The following DDX42 variants were observed in gnomAD, a reference collection of about 807,000 sequenced individuals.
DDX42 encodes DEAD-box helicase 42.
Under a neutral mutation model 101.5 loss-of-function variants are expected in DDX42, and 22 were observed. The observed-to-expected ratio is 0.22, with a 90% CI of 0.15 to 0.31. DDX42 has a LOEUF of 0.31. DDX42 is among the 10% of genes least tolerant of loss of function. The probability of loss-of-function intolerance (pLI) is 1.00; values close to 1 mark genes in which losing one functional copy is unlikely to be tolerated. For synonymous variants in DDX42, 402 were observed against 401.2 expected, an observed-to-expected ratio of 1.00 and a Z score of -0.02; for missense variants, 849 against 1,199.9, an observed-to-expected ratio of 0.71 and a Z score of 4.32.
At chr17:63,808,766 G>A in intron 9 of DDX42, 54 bp from the exon 10 acceptor site, 1 of 1,602,248 alleles carries the variant, frequency 6.2e-7, no homozygotes, top group Non-Finnish European at 8.5e-7. Flanking sequence ...TTTGGGTTGT[G>A]ACAGGTATTT....
Position 63,817,982 on chromosome 17 carries a change from G to T in DDX42, c.2401G>T (p.Gly801Trp). 9.9e-6 allele frequency: 16 copies of T among 1,614,192 alleles called. No homozygotes were observed. The highest frequency in any genetic ancestry group is 1.3e-5 in the Non-Finnish European group (15 of 1,180,038). ...AGGGAATAACAGCCGAGAAGGGACTGGGGGCAGCAACGGGAAAAGAGAGAG... is the reference window on the plus strand; with the variant it reads ...AGGGAATAACAGCCGAGAAGGGACTTGGGGCAGCAACGGGAAAAGAGAGAG... ...ASGNNSREGTGGSNGKRERYT... is the reference protein window; with the variant it reads ...ASGNNSREGTWGSNGKRERYT... The change falls in exon 18 of 18, where the codon GGG becomes TGG. Residue 801 changes from glycine to tryptophan, a missense_variant. Coordinates refer to ENST00000389924, the MANE Select transcript of DDX42 (RefSeq NM_203499.3).
chr17:63,795,483 A>G (rs1458433935), intron 3 of DDX42, among the ~76,000 whole-genome samples: 1 of 152,000 alleles, frequency 6.6e-6, no homozygotes, highest in African/African-American at 2.4e-5. Context: ...AGCTGGAACT[A>G]CAGGTGCACG....
intron 8 of DDX42, among the ~76,000 whole-genome samples, chr17:63,807,245 A>C (rs1287486614): frequency 6.6e-6 from 1 of 152,162 alleles, no homozygotes; most frequent in African/African-American, 2.4e-5. Context: ...GGTTCAAGCA[A>C]TTCTCCTGCC....
In DDX42 at chr17:63,817,986, G is replaced by T. The variant is rs2144596077; in HGVS notation, c.2405G>T (p.Gly802Val). The change falls in exon 18 of 18, where the codon GGC (glycine) becomes GTC (valine). Residue 802 changes from glycine to valine, a missense_variant. This residue lies in a region of DDX42 where 300 missense variants were observed against 304.9 expected (regional missense o/e 0.98). Transcript: ENST00000389924. ...SGNNSREGTGGSNGKRERYTE... is the reference protein window; with the variant it reads ...SGNNSREGTGVSNGKRERYTE... ...AATAACAGCCGAGAAGGGACTGGGG[G>T]CAGCAACGGGAAAAGAGAGAGATAT... 3.1e-6 allele frequency: 5 copies of T among 1,614,194 alleles called. No individual in the cohort carries two copies. Among genetic ancestry groups the T allele is most frequent in the African/African-American group, 1.3e-5 (1 of 75,038 alleles).
chr17:63,806,760 G>T, intron 8 of DDX42, 106 bp downstream of exon 8: 1 of 1,265,912 alleles, frequency 7.9e-7, no homozygotes, highest in South Asian at 1.8e-5. Context: ...GTAGAACCTT[G>T]TTGATAAGGA....
At chr17:63,794,517 A>G (rs1051979629) in intron 3 of DDX42, among the ~76,000 whole-genome samples, 2 of 152,002 alleles carry the variant, frequency 1.3e-5, no homozygotes, top group African/African-American at 4.8e-5. Context: ...AACAAAATGA[A>G]ACCAAAAACT....
intron 4 of DDX42, 106 bp from the exon 5 acceptor site, chr17:63,799,483 T>G: frequency 3.5e-5 from 43 of 1,220,900 alleles, no homozygotes; most frequent in Non-Finnish European, 4.7e-5. Flanking sequence ...TTATTAGTGT[T>G]GAGAGTTCCT....
Position 63,800,586 on chromosome 17 carries a change from T to C in DDX42, c.590T>C (p.Ile197Thr), listed in dbSNP as rs143708043. 1 of 1,614,136 alleles carries C rather than the reference T, an allele frequency of 6.2e-7. No individual in the cohort carries two copies. Among genetic ancestry groups the C allele is most frequent in the African/African-American group, 1.3e-5 (1 of 75,054 alleles). The change falls in exon 6 of 18, where the codon ATT (isoleucine) becomes ACT (threonine). Residue 197 changes from isoleucine (I) to threonine (T), a missense_variant. Physicochemically the swap from Ile to Thr is moderately conservative, Grantham distance 89. Transcript: ENST00000389924. ...GNPIAPTKKI[I>T]DPLPPIDHSE... is the part of the protein sequence containing the mutation. ...CCAATTGCACCTACCAAAAAAATCATTGATCCTCTTCCCCCCATTGATCAT... is the reference window on the plus strand; with the variant it reads ...CCAATTGCACCTACCAAAAAAATCACTGATCCTCTTCCCCCCATTGATCAT...
intron 2 of DDX42, among the ~76,000 whole-genome samples, chr17:63,790,747 A>C (rs1353261937): frequency 6.6e-6 from 1 of 151,302 alleles, no homozygotes; most frequent in Admixed American, 6.6e-5. Context: ...GCGACAGAGC[A>C]AGACTCCATC....
rs908499650 is a variant in DDX42 at position 63,779,287 on chromosome 17, G to T, written c.-17+4911G>T. Among the ~76,000 whole-genome samples, 3 of 151,644 alleles carry T rather than the reference G, an allele frequency of 2.0e-5. No individual in the cohort carries two copies. The East Asian group carries it at 5.8e-4, about 29-fold the overall frequency. Reference sequence around the variant, plus strand: ...TGTTTTGGTTTTGTTTTTTTGAGACGCAGTCTCACTCTGTCACCCAGGCTG... The same window carrying T: ...TGTTTTGGTTTTGTTTTTTTGAGACTCAGTCTCACTCTGTCACCCAGGCTG... On this transcript the variant is annotated intron_variant, in intron 1 of 17. Transcript: ENST00000389924.
intron 3 of DDX42, among the ~76,000 whole-genome samples, chr17:63,794,868 A>G (rs912423547): frequency 6.6e-5 from 10 of 151,568 alleles, no homozygotes; most frequent in Non-Finnish European, 1.5e-4. Context: ...CCTGGGAGGC[A>G]GAGGTTATAG....
chr17:63,809,796 T>A (rs2039887297), intron 11 of DDX42, 137 bp downstream of exon 11: 1 of 638,172 alleles, frequency 1.6e-6, no homozygotes, highest in African/African-American at 1.8e-5. Context: ...GAAATATAGC[T>A]AAGATGAACA....
chr17:63,792,065 C>A (rs1456004994), intron 2 of DDX42, among the ~76,000 whole-genome samples: 2 of 149,740 alleles, frequency 1.3e-5, no homozygotes, highest in Non-Finnish European at 3.0e-5. Flanking sequence ...AAAAAGTTTT[C>A]TTTTTTCCCA....
At chr17:63,812,340 C>G (rs2039920543) in intron 14 of DDX42, 132 bp downstream of exon 14, 3 of 1,138,962 alleles carry the variant, frequency 2.6e-6, no homozygotes, top group African/African-American at 1.6e-5. Context: ...CCCTCCCAAA[C>G]CCCCAAGGAA....
At chr17:63,786,909 C>T in intron 1 of DDX42, 125 bp from the exon 2 acceptor site, 15 of 887,300 alleles carry the variant, frequency 1.7e-5, no homozygotes, top group Non-Finnish European at 2.3e-5. Context: ...AACTCCTGAC[C>T]TCATGGTCCA....
intron 1 of DDX42, among the ~76,000 whole-genome samples, chr17:63,778,220 C>T (rs1046340431): frequency 6.6e-6 from 1 of 152,212 alleles, no homozygotes; most frequent in Non-Finnish European, 1.5e-5. Context: ...ACTATTACTT[C>T]ATCATTTTAT....
At chr17:63,796,730 A>G (rs1326615667) in intron 3 of DDX42, among the ~76,000 whole-genome samples, 2 of 152,228 alleles carry the variant, frequency 1.3e-5, no homozygotes, top group East Asian at 1.9e-4. Context: ...AATATGTTCT[A>G]CCACTTTTGG....
At chr17:63,812,595 C>G (rs988706767) in intron 14 of DDX42, among the ~76,000 whole-genome samples, 5 of 152,302 alleles carry the variant, frequency 3.3e-5, no homozygotes, top group Non-Finnish European at 2.9e-5. Flanking sequence ...TGGATTTGTT[C>G]TGTCAAGTTT....
At chr17:63,787,915 T>TC (rs1555571604) in intron 2 of DDX42, among the ~76,000 whole-genome samples, 1 of 138,930 alleles carries the variant, frequency 7.2e-6, no homozygotes, top group African/African-American at 2.8e-5. Flanking sequence ...GTTTTTTTTT[T>TC]TTTTTTTGGA....
Sources: gnomAD v4.1 joint callset for allele counts (sites outside exome capture counted in the v4.1 genomes callset) on GRCh38, gnomAD v4.1.1 for gene constraint, gnomAD v4.1.1 regional missense constraint, MANE v1.5 for transcripts, NCBI Gene and HGNC (gene_info 2026-07-23, HGNC 2026-07-21) for gene names.